MAST2: variants seen among roughly 807,000 people sequenced by gnomAD.
MAST2 encodes microtubule associated serine/threonine kinase 2.
MAST2 carries 70 observed loss-of-function variants against 147.4 expected under a neutral mutation model. The observed-to-expected ratio is 0.47, with a 90% CI of 0.39 to 0.58. MAST2 has a LOEUF of 0.58. MAST2 is among the 20% of genes least tolerant of loss of function. MAST2 has a pLI of 0.00. For missense variants in MAST2, 2,080 were observed against 2,302.3 expected, an observed-to-expected ratio of 0.90 and a Z score of 1.98; for synonymous variants, 869 against 896.8, an observed-to-expected ratio of 0.97 and a Z score of 0.55.
chr1:45,898,543 G>A (rs1649165046), intron 4 of MAST2, among the ~76,000 whole-genome samples: 1 of 152,048 alleles, frequency 6.6e-6, no homozygotes, highest in Non-Finnish European at 1.5e-5. Flanking sequence ...TTTTTACTCT[G>A]AGAATTTTTA....
chr1:45,880,983 G>C (rs113832952), intron 3 of MAST2, among the ~76,000 whole-genome samples: 1 of 123,470 alleles, frequency 8.1e-6, no homozygotes, highest in East Asian at 2.3e-4. Context: ...AAAAAAAAAA[G>C]AAAAGAAAAA....
In MAST2 at chr1:45,829,462, A is replaced by C. The variant is rs540161535; in HGVS notation, c.349A>C (p.Ser117Arg). 33 of 1,613,668 alleles carry C rather than the reference A, an allele frequency of 2.0e-5. No individual in the cohort carries two copies. The South Asian group carries it at 3.6e-4, about 18-fold the overall frequency. ...LSGKQLLPLS[S>R]SVHSSVGQVT... is the part of the protein sequence containing the mutation. ...AGGTAAGCAGCTGCTCCCTTTGTCC[A>C]GCAGTGTACATAGCAGTGTGGGACA... The change falls in exon 3 of 29, where the codon AGC becomes CGC. Residue 117 changes from serine (S) to arginine (R), a missense_variant. Physicochemically the swap from Ser to Arg is moderately radical, Grantham distance 110 (BLOSUM62 -1). Transcript: ENST00000361297.
At chr1:45,896,630 G>C (rs1648781943) in intron 4 of MAST2, among the ~76,000 whole-genome samples, 1 of 152,166 alleles carries the variant, frequency 6.6e-6, no homozygotes. Context: ...TAAAGTGAAA[G>C]GAGAGCTGGA....
chr1:45,850,907 C>T (rs1342511267), intron 3 of MAST2, among the ~76,000 whole-genome samples: 1 of 149,580 alleles, frequency 6.7e-6, no homozygotes, highest in Non-Finnish European at 1.5e-5. Context: ...GTAATCCCTG[C>T]AGCTTTGTTC....
rs368283864 is a variant in MAST2 at position 45,928,832 on chromosome 1, CT to C, written c.501-30543del. ...TTATTTTAATCTAGGGTGTTCTCACCTTTTTTTTTTTCCTTGCAATTTATTT... is the reference window on the plus strand; with the variant it reads ...TTATTTTAATCTAGGGTGTTCTCACCTTTTTTTTTTCCTTGCAATTTATTT... On this transcript the variant is annotated intron_variant, in intron 4 of 28. Transcript: ENST00000361297. 3.6e-3 allele frequency among the ~76,000 whole-genome samples: 521 copies of C among 146,194 alleles called. 3 individuals are homozygous for C. The highest frequency in any genetic ancestry group is 0.012 in the African/African-American group (471 of 40,140).
At chr1:45,807,469 C>T (rs1013234346) in intron 1 of MAST2, among the ~76,000 whole-genome samples, 1 of 152,072 alleles carries the variant, frequency 6.6e-6, no homozygotes, top group Non-Finnish European at 1.5e-5. Context: ...TGACCTCTTT[C>T]CTTAGCTCTA....
At chr1:45,966,470 G>A (rs904259594) in intron 5 of MAST2, among the ~76,000 whole-genome samples, 4 of 151,672 alleles carry the variant, frequency 2.6e-5, no homozygotes, top group African/African-American at 7.3e-5. Context: ...GGTGGCTCAC[G>A]CCTGTAATCC....
At chr1:45,960,249 C>T (rs1240851616) in intron 5 of MAST2, among the ~76,000 whole-genome samples, 1 of 152,154 alleles carries the variant, frequency 6.6e-6, no homozygotes, top group Non-Finnish European at 1.5e-5. Flanking sequence ...TGGCTCCCGC[C>T]TGTAATCCCA....
intron 4 of MAST2, among the ~76,000 whole-genome samples, chr1:45,895,662 TA>T (rs1276656035): frequency 1.3e-5 from 2 of 152,256 alleles, no homozygotes; most frequent in Admixed American, 6.5e-5. Flanking sequence ...ACAGTTTTTT[TA>T]AAAAAAGTAA....
At chr1:45,852,537 T>TA (rs1645656112) in intron 3 of MAST2, among the ~76,000 whole-genome samples, 1 of 150,990 alleles carries the variant, frequency 6.6e-6, no homozygotes, top group Non-Finnish European at 1.5e-5. Flanking sequence ...AATTTTTTTT[T>TA]TTTTTTTTTA....
At chr1:46,021,613 A>T (rs1341234781) in intron 11 of MAST2, among the ~76,000 whole-genome samples, 1 of 152,160 alleles carries the variant, frequency 6.6e-6, no homozygotes, top group African/African-American at 2.4e-5. Context: ...ACAGCTGTGG[A>T]CTGGGCATCT....
chr1:46,025,212 G>A (rs1044251521), intron 15 of MAST2, among the ~76,000 whole-genome samples: 8 of 152,128 alleles, frequency 5.3e-5, no homozygotes, highest in South Asian at 2.1e-4. Context: ...CCAGCTACTC[G>A]GGAGGCTGAG....
chr1:45,841,236 AG>A (rs959180938), intron 3 of MAST2, among the ~76,000 whole-genome samples: 15 of 152,264 alleles, frequency 9.9e-5, no homozygotes, highest in Admixed American at 3.3e-4. Context: ...CTGGAATTAC[AG>A]GGGTGAGCCA....
At chr1:45,811,497 C>A (rs990306887) in intron 1 of MAST2, among the ~76,000 whole-genome samples, 31 of 151,494 alleles carry the variant, frequency 2.0e-4, no homozygotes, top group Non-Finnish European at 4.1e-4. Context: ...CACCACCACG[C>A]TCGGCTAATT....
intron 4 of MAST2, among the ~76,000 whole-genome samples, chr1:45,940,775 A>C (rs893107464): frequency 6.6e-6 from 1 of 151,934 alleles, no homozygotes; most frequent in African/African-American, 2.4e-5. Flanking sequence ...ACCTGTCACC[A>C]CGCCCTGCTA....
chr1:45,833,736 T>G (rs1340177509), intron 3 of MAST2, among the ~76,000 whole-genome samples: 1 of 152,194 alleles, frequency 6.6e-6, no homozygotes, highest in Admixed American at 6.5e-5. Flanking sequence ...TTTGAAGAAG[T>G]GTCTATTTGG....
At chr1:45,902,057 A>G (rs1352102022) in intron 4 of MAST2, among the ~76,000 whole-genome samples, 1 of 152,060 alleles carries the variant, frequency 6.6e-6, no homozygotes, top group Non-Finnish European at 1.5e-5. Flanking sequence ...GTGTTGTTCC[A>G]TTTCTTAGAG....
chr1:45,938,267 A>G (rs1157782807), intron 4 of MAST2, among the ~76,000 whole-genome samples: 2 of 152,142 alleles, frequency 1.3e-5, no homozygotes, highest in Non-Finnish European at 2.9e-5. Flanking sequence ...TTGTGTGGAC[A>G]TATGTTTTTA....
At chr1:45,967,630 G>A (rs1661428811) in intron 5 of MAST2, among the ~76,000 whole-genome samples, 1 of 152,146 alleles carries the variant, frequency 6.6e-6, no homozygotes, top group Admixed American at 6.5e-5. Context: ...GTAGGCTGAG[G>A]AAGATTAAGG....
Sources: gnomAD v4.1 joint callset for allele counts (sites outside exome capture counted in the v4.1 genomes callset) on GRCh38, gnomAD v4.1.1 for gene constraint, MANE v1.5 for transcripts, NCBI Gene and HGNC (gene_info 2026-07-23, HGNC 2026-07-21) for gene names.